SMCHD1: variants seen among roughly 807,000 people sequenced by gnomAD.
SMCHD1 encodes structural maintenance of chromosomes flexible hinge domain containing 1.
A neutral mutation model predicts 254.7 loss-of-function variants in SMCHD1; 78 were observed. That is an observed-to-expected ratio of 0.31 (90% CI 0.26 to 0.37). The LOEUF (loss-of-function observed/expected upper bound fraction) is 0.37, where lower values mean the gene tolerates loss of function less well. Among genes scored for constraint, SMCHD1 ranks in the 10% least tolerant of loss-of-function variants. The pLI is 1.00. For missense variants in SMCHD1, 1,840 were observed against 2,408.1 expected (o/e 0.76, Z 4.94); for synonymous variants, 766 against 794.9 (o/e 0.96, Z 0.61).
chr18:2,783,084 G>A (rs1400018351), intron 44 of SMCHD1, among the ~76,000 whole-genome samples: 1 of 152,000 alleles, frequency 6.6e-6, no homozygotes, highest in Non-Finnish European at 1.5e-5. Context: ...TTTTATACTT[G>A]TTAAAAATTA....
chr18:2,766,089 G>A (rs1425131053), intron 37 of SMCHD1, among the ~76,000 whole-genome samples: 1 of 150,990 alleles, frequency 6.6e-6, no homozygotes, highest in African/African-American at 2.4e-5. Context: ...TGCCTCCCGG[G>A]TTCACGCCAT....
chr18:2,692,647 C>T (rs982547544), intron 7 of SMCHD1, among the ~76,000 whole-genome samples: 1 of 152,188 alleles, frequency 6.6e-6, no homozygotes, highest in South Asian at 2.1e-4. Flanking sequence ...CCTAAAACTA[C>T]CTTGTTTCCT....
chr18:2,754,237 C>T (rs2075630245), intron 34 of SMCHD1, among the ~76,000 whole-genome samples: 1 of 152,112 alleles, frequency 6.6e-6, no homozygotes, highest in Non-Finnish European at 1.5e-5. Flanking sequence ...ACATTTAGGT[C>T]ATCAACACAT....
Position 2,684,192 on chromosome 18 carries a change from C to T in SMCHD1, c.639-4202C>T, listed in dbSNP as rs371869387. 5.9e-5 allele frequency among the ~76,000 whole-genome samples: 9 copies of T among 152,062 alleles called. No individual in the cohort carries two copies. The East Asian group carries it at 9.6e-4, about 16-fold the overall frequency. Reference sequence around the variant, plus strand: ...AAATCTGAAGAAAATTCACCAAGAACAGACTCAAGTTATAAAAGAATGTTT... The same window carrying T: ...AAATCTGAAGAAAATTCACCAAGAATAGACTCAAGTTATAAAAGAATGTTT... On this transcript the variant is annotated intron_variant, in intron 5 of 47. Transcript: ENST00000320876.
intron 8 of SMCHD1, among the ~76,000 whole-genome samples, chr18:2,695,514 T>G (rs949716174): frequency 2.0e-5 from 3 of 152,144 alleles, no homozygotes; most frequent in African/African-American, 4.8e-5. Flanking sequence ...TTTGCCGTGT[T>G]GGCCAGGCTG....
At chr18:2,685,542 A>G (rs1469612312) in intron 5 of SMCHD1, among the ~76,000 whole-genome samples, 1 of 152,122 alleles carries the variant, frequency 6.6e-6, no homozygotes, top group African/African-American at 2.4e-5. Context: ...TATTATTACT[A>G]TGTATTCCTA....
At chr18:2,687,382 G>A (rs2074075659) in intron 5 of SMCHD1, among the ~76,000 whole-genome samples, 1 of 152,172 alleles carries the variant, frequency 6.6e-6, no homozygotes, top group South Asian at 2.1e-4. Flanking sequence ...GACAATTTTA[G>A]GTTAACAGAT....
Position 2,729,268 on chromosome 18 carries a change from C to T in SMCHD1, c.2914-7C>T. ...GGGTCTTACATTATTTTTCATCTTTCAAATAGTTTTCAGGTGCTCCAAACC... is the reference window on the plus strand; with the variant it reads ...GGGTCTTACATTATTTTTCATCTTTTAAATAGTTTTCAGGTGCTCCAAACC... On this transcript the variant is annotated splice_polypyrimidine_tract_variant and splice_region_variant and intron_variant, in intron 23 of 47. Coordinates refer to ENST00000320876, the MANE Select transcript of SMCHD1 (RefSeq NM_015295.3). 6.9e-7 allele frequency: 1 copy of T among 1,450,832 alleles called. No homozygotes were observed. The highest frequency in any genetic ancestry group is 9.1e-7 in the Non-Finnish European group (1 of 1,101,380). The allele number at this position is 1,450,832 out of a possible 1,614,324, so 89.9% of individuals were successfully genotyped here.
chr18:2,794,706 A>G (rs2143855064), intron 45 of SMCHD1, among the ~76,000 whole-genome samples: 1 of 152,338 alleles, frequency 6.6e-6, no homozygotes, highest in Non-Finnish European at 1.5e-5. Flanking sequence ...ACACTTGATC[A>G]TTGTGGAAAA....
intron 24 of SMCHD1, among the ~76,000 whole-genome samples, chr18:2,729,708 G>GATT (rs1568253807): frequency 8.2e-6 from 1 of 122,312 alleles, no homozygotes; most frequent in Non-Finnish European, 1.8e-5. Context: ...TTATTCTTTC[G>GATT]CTTTTTTTTT....
At chr18:2,735,852 GTGT>G (rs1443783192) in intron 25 of SMCHD1, among the ~76,000 whole-genome samples, 1 of 152,166 alleles carries the variant, frequency 6.6e-6, no homozygotes, top group East Asian at 1.9e-4. Context: ...TACAGATTCA[GTGT>G]TGTTCCTATC....
intron 2 of SMCHD1, among the ~76,000 whole-genome samples, chr18:2,666,547 G>A (rs2073444404): frequency 6.6e-6 from 1 of 152,080 alleles, no homozygotes; most frequent in Non-Finnish European, 1.5e-5. Context: ...AGTTTTCCAA[G>A]ACCTGCTGGT....
chr18:2,760,490 A>G (rs1568328841), intron 34 of SMCHD1, 162 bp from the exon 35 acceptor site: 2 of 544,884 alleles, frequency 3.7e-6, no homozygotes, highest in Non-Finnish European at 3.3e-6. Context: ...CCTGGGAGTA[A>G]GCAAGAAATA....
intron 5 of SMCHD1, among the ~76,000 whole-genome samples, chr18:2,674,680 T>G (rs995788381): frequency 7.9e-5 from 12 of 152,216 alleles, no homozygotes; most frequent in African/African-American, 2.7e-4. Flanking sequence ...AAGATTTAGA[T>G]TCTTGAGATA....
chr18:2,656,123 TGAG>T lies in SMCHD1; in HGVS notation c.54_56del (p.Glu18del), dbSNP rs1294074624. 9 of 1,479,808 alleles carry T rather than the reference TGAG, an allele frequency of 6.1e-6. No individual in the cohort carries two copies. The highest frequency in any genetic ancestry group is 7.2e-6 in the Non-Finnish European group (8 of 1,116,882). 91.7% of individuals were successfully genotyped at this position (1,479,808 alleles called of 1,614,324 possible). ...GGCCTGGTGGGGCCTCTGTGGGGAC[TGAG>T]GAGGATGGCGGAGGCGTCGGCCACA... On this transcript the variant is annotated inframe_deletion, in exon 1 of 48. Transcript: ENST00000320876.
intron 3 of SMCHD1, chr18:2,672,974 TG>T: frequency 1.5e-6 from 1 of 655,618 alleles, no homozygotes; most frequent in Non-Finnish European, 1.9e-6. Context: ...TTTATGGTTA[TG>T]GTCTTCTGTT....
intron 34 of SMCHD1, chr18:2,752,780 G>A (rs535045540): frequency 9.6e-5 from 38 of 397,586 alleles, no homozygotes; most frequent in Non-Finnish European, 1.5e-4. Context: ...TGAAACTATC[G>A]AAGCCATCAG....
intron 3 of SMCHD1, among the ~76,000 whole-genome samples, chr18:2,670,762 G>C (rs554780135): frequency 1.3e-5 from 2 of 151,896 alleles, no homozygotes; most frequent in Admixed American, 1.3e-4. Flanking sequence ...TTGGCCAGGC[G>C]TGGAGGTGGG....
chr18:2,782,468 G>A lies in SMCHD1; in HGVS notation c.5548-1982G>A, dbSNP rs116076526. Among the ~76,000 whole-genome samples, 350 of 152,110 alleles carry A rather than the reference G, an allele frequency of 2.3e-3. 3 individuals carry two copies. Among genetic ancestry groups the A allele is most frequent in the African/African-American group, 8.0e-3 (334 of 41,504 alleles). ...TTTAAGATCATATTAGGCTGAGCAT[G>A]ATGGCTCATGCCTGTAATCTCAGCA... On this transcript the variant is annotated intron_variant, in intron 44 of 47. Transcript: ENST00000320876.
Sources: allele counts gnomAD v4.1 joint callset (sites outside exome capture counted in the v4.1 genomes callset), GRCh38; gene constraint gnomAD v4.1.1; transcripts MANE v1.5; gene names NCBI Gene and HGNC (gene_info 2026-07-23, HGNC 2026-07-21).